PSD: variants seen among roughly 807,000 people sequenced by gnomAD.
PSD encodes pleckstrin and Sec7 domain containing, also known as PH and SEC7 domain-containing protein 1.
PSD carries 32 observed loss-of-function variants against 91.6 expected under a neutral mutation model. That is an observed-to-expected ratio of 0.35 (90% CI 0.26 to 0.47). PSD has a LOEUF of 0.47. Among genes scored for constraint, PSD ranks in the 20% least tolerant of loss-of-function variants. PSD has a pLI of 1.00. For missense variants in PSD, 1,099 were observed against 1,373.9 expected, an observed-to-expected ratio of 0.80 and a Z score of 3.16; for synonymous variants, 532 against 569.3, an observed-to-expected ratio of 0.93 and a Z score of 0.93.
intron 5 of PSD, among the ~76,000 whole-genome samples, chr10:102,413,008 C>T (rs1412382944): frequency 1.3e-5 from 2 of 152,180 alleles, no homozygotes; most frequent in African/African-American, 4.8e-5. Flanking sequence ...GATACTGGTC[C>T]GAAGGCTTTC....
Position 102,410,981 on chromosome 10 carries a change from G to A in PSD, c.2002-34C>T, listed in dbSNP as rs2135455934. On this transcript the variant is annotated intron_variant, in intron 9 of 16. Coordinates refer to ENST00000020673, the MANE Select transcript of PSD (RefSeq NM_002779.5). This position sits in a 1 kb window ranked among gnomAD's most constrained non-coding sequence, Gnocchi z 6.0. Reference sequence around the variant, plus strand: ...GGGAACGGAGGCCTGTGAGTTTGGAGGGCCCTTGGCCTCCCAGGTCCTGCA... The same window carrying A: ...GGGAACGGAGGCCTGTGAGTTTGGAAGGCCCTTGGCCTCCCAGGTCCTGCA... 1.9e-6 allele frequency: 3 copies of A among 1,612,120 alleles called. No homozygotes were observed. Among genetic ancestry groups the A allele is most frequent in the Non-Finnish European group, 2.5e-6 (3 of 1,178,120 alleles).
Position 102,404,871 on chromosome 10 carries a change from C to T in PSD, c.2555+27G>A, listed in dbSNP as rs1274781895. 36 of 1,606,604 alleles carry T rather than the reference C, an allele frequency of 2.2e-5. No individual in the cohort carries two copies. The highest frequency in any genetic ancestry group is 5.1e-5 in the Admixed American group (3 of 59,386). ...AGGATGGGAGGTGGGGGAAGGGGTC[C>T]GGGATGGGCAGGAGGAGGGCACTCA... On this transcript the variant is annotated intron_variant, in intron 14 of 16. Transcript: ENST00000020673. This position sits in a 1 kb window ranked among gnomAD's most constrained non-coding sequence, Gnocchi z 5.7.
Position 102,409,679 on chromosome 10 carries a change from G to C in PSD, c.2091+1179C>G, listed in dbSNP as rs1367506683. The stretch of plus-strand genomic sequence containing the variant: ...CACCCATATATAGATCTGAAGTCAC[G>C]TAACACACCTCGATTCTGACATACA... On this transcript the variant is annotated intron_variant, in intron 10 of 16. Transcript: ENST00000020673. This position sits in a 1 kb window ranked among gnomAD's most constrained non-coding sequence, Gnocchi z 5.7. Among the ~76,000 whole-genome samples, 2 of 152,058 alleles carry C rather than the reference G, an allele frequency of 1.3e-5. No individual in the cohort carries two copies. The highest frequency in any genetic ancestry group is 2.9e-5 in the Non-Finnish European group (2 of 68,002).
At position 102,412,719 on chromosome 10, in the gene PSD, G is replaced by A; in HGVS notation, c.1554-144C>T. ...AGCATTCTTCTTTTTTCCAGGGAAG[G>A]AGATTAGATTCTCTCCATCAGCCTA... On this transcript the variant is annotated intron_variant, in intron 5 of 16. Transcript: ENST00000020673. 3 of 717,794 alleles carry A rather than the reference G, an allele frequency of 4.2e-6. No individual in the cohort carries two copies. The South Asian group carries it at 5.8e-5, about 14-fold the overall frequency. 44.5% of individuals were successfully genotyped at this position (717,794 alleles called of 1,614,324 possible). A position where few individuals can be genotyped will look rare whatever the true frequency, so the allele number is the denominator to read the frequency against.
At chr10:102,418,551 G>T in intron 1 of PSD, 150 bp downstream of exon 1, 1 of 368,056 alleles carries the variant, frequency 2.7e-6, no homozygotes, top group East Asian at 7.8e-5. Context: ...GCCCAGGAGA[G>T]ACCATAACCA....
rs376334335 is a variant in PSD, at chr10:102,405,325, C to T, written c.2326+21G>A. ...CCCATCCATCCCCTAGACGCCCGCC[C>T]CCCGCAACTCGGCCACATACTCTTC... is the stretch of plus-strand genomic sequence containing the variant. On this transcript the variant is annotated intron_variant, in intron 12 of 16. Transcript: ENST00000020673. The surrounding 1 kb of genome is among the most constrained non-coding windows in gnomAD (Gnocchi z 5.4). 5 of 1,608,054 alleles carry T rather than the reference C, an allele frequency of 3.1e-6. No individual in the cohort carries two copies. In the African/African-American group the frequency reaches 4.0e-5, roughly 13 times the overall value.
rs1370458975 is a variant in PSD, at chr10:102,405,573, G to A, written c.2136-37C>T. 3 of 1,573,588 alleles carry A rather than the reference G, an allele frequency of 1.9e-6. No homozygotes were observed. Among genetic ancestry groups the A allele is most frequent in the Admixed American group, 3.5e-5 (2 of 57,342 alleles). The stretch of plus-strand genomic sequence containing the variant: ...ATCACCTCAGAGGGGGCTGGCCATG[G>A]AGCCGCGGCCCCCGCTTCAGTTCTG... On this transcript the variant is annotated intron_variant, in intron 11 of 16. Transcript: ENST00000020673. The surrounding 1 kb of genome is among the most constrained non-coding windows in gnomAD (Gnocchi z 5.4).
Position 102,403,803 on chromosome 10 carries a change from C to A in PSD, c.2844+39G>T. The A allele has an allele frequency of 6.3e-7, 1 of 1,590,544 alleles. No individual in the cohort carries two copies. Among genetic ancestry groups the A allele is most frequent in the South Asian group, 1.1e-5 (1 of 87,730 alleles). ...TTCATGCCCTTCACCCTAGTATGGG[C>A]CTGCGTGTGTGGACAGAGGGGCAGA... On this transcript the variant is annotated intron_variant, in intron 16 of 16. Transcript: ENST00000020673. The surrounding 1 kb of genome is among the most constrained non-coding windows in gnomAD (Gnocchi z 6.7).
intron 10 of PSD, chr10:102,408,885 A>G (rs1044363471): frequency 8.1e-6 from 8 of 986,842 alleles, no homozygotes; most frequent in South Asian, 4.7e-5. Flanking sequence ...CGCGGCCCCA[A>G]CGCCCTCACC....
intron 5 of PSD, among the ~76,000 whole-genome samples, chr10:102,413,321 C>T (rs1402207469): frequency 6.6e-6 from 1 of 152,156 alleles, no homozygotes; most frequent in Non-Finnish European, 1.5e-5. Flanking sequence ...TGTGAAAGGA[C>T]TTCCTGGAGC....
At chr10:102,419,715 G>A (rs2061534716), upstream of PSD, 4 of 162,694 alleles carry the variant, frequency 2.5e-5, no homozygotes, top group South Asian at 4.6e-4. This position sits in a 1 kb window ranked among gnomAD's most constrained non-coding sequence, Gnocchi z 4.8. Flanking sequence ...CAGATTTGTC[G>A]CACTGCGCAG....
Position 102,403,552 on chromosome 10 carries a change from A to G in PSD, c.2845-122T>C. 1 of 986,452 alleles carries G rather than the reference A, an allele frequency of 1.0e-6. No individual in the cohort carries two copies. The highest frequency in any genetic ancestry group is 1.5e-6 in the Non-Finnish European group (1 of 681,150). The allele number at this position is 986,452 out of a possible 1,614,324, so 61.1% of individuals were successfully genotyped here. ...GCAGGTGCCCACCCAGGACTGTGAG[A>G]TGGTCCCATGCGGGCTGGTGCCCCC... On this transcript the variant is annotated intron_variant, in intron 16 of 16. Transcript: ENST00000020673. This position sits in a 1 kb window ranked among gnomAD's most constrained non-coding sequence, Gnocchi z 6.7.
At chr10:102,407,372 A>G in intron 10 of PSD, 106 bp from the exon 11 acceptor site, 1 of 707,404 alleles carries the variant, frequency 1.4e-6, no homozygotes, top group Non-Finnish European at 2.1e-6. Context: ...CTAAGGGGAA[A>G]GGGCAGCAAG....
Position 102,405,058 on chromosome 10 carries a change from G to A in PSD, c.2398-3C>T, listed in dbSNP as rs753478627. The A allele has an allele frequency of 1.2e-6, 2 of 1,613,716 alleles. No individual in the cohort carries two copies. Among genetic ancestry groups the A allele is most frequent in the Non-Finnish European group, 1.7e-6 (2 of 1,179,802 alleles). On this transcript the variant is annotated splice_polypyrimidine_tract_variant and splice_region_variant and intron_variant, in intron 13 of 16. Coordinates refer to ENST00000020673, the MANE Select transcript of PSD (RefSeq NM_002779.5). The surrounding 1 kb of genome is among the most constrained non-coding windows in gnomAD (Gnocchi z 5.4). ...GCCTTCCCAGGCTTGTACTCCTCCT[G>A]CAGGGGTGTCCATCTTGTCCTGGCC...
At chr10:102,407,619 C>T (rs1444279282) in intron 10 of PSD, among the ~76,000 whole-genome samples, 1 of 152,142 alleles carries the variant, frequency 6.6e-6, no homozygotes, top group Non-Finnish European at 1.5e-5. Flanking sequence ...TGGAGAAGCA[C>T]AGCCCTGGAG....
chr10:102,413,511 C>T (rs1483789139), intron 5 of PSD, among the ~76,000 whole-genome samples: 1 of 152,104 alleles, frequency 6.6e-6, no homozygotes, highest in Non-Finnish European at 1.5e-5. Flanking sequence ...GAAGGGTATT[C>T]TCCTGGGATC....
Position 102,409,402 on chromosome 10 carries a change from G to A in PSD, c.2091+1456C>T, listed in dbSNP as rs1181790237. 1.0e-6 allele frequency: 1 copy of A among 971,706 alleles called. No individual in the cohort carries two copies. 60.2% of individuals were successfully genotyped at this position (971,706 alleles called of 1,614,324 possible). A position where few individuals can be genotyped will look rare whatever the true frequency, so the allele number is the denominator to read the frequency against. ...GCCCTCCCCGCGCGGCCACGGGGAG[G>A]AGCCTGGGGAGGCCAGCGTGGGTGG... On this transcript the variant is annotated intron_variant, in intron 10 of 16. Transcript: ENST00000020673. The surrounding 1 kb of genome is among the most constrained non-coding windows in gnomAD (Gnocchi z 5.7).
chr10:102,404,480 G>A lies in PSD; in HGVS notation c.2700+103C>T. The A allele has an allele frequency of 7.0e-7, 1 of 1,420,598 alleles. No individual in the cohort carries two copies. The allele number at this position is 1,420,598 out of a possible 1,614,324, so 88.0% of individuals were successfully genotyped here. ...TCACCCCTGTGGCCAGCATCCTGGT[G>A]CAGGGGACATCTCCACGATCACACG... On this transcript the variant is annotated intron_variant, in intron 15 of 16. Transcript: ENST00000020673. This position sits in a 1 kb window ranked among gnomAD's most constrained non-coding sequence, Gnocchi z 5.7.
In PSD at chr10:102,413,971, G is replaced by C; in HGVS notation, c.1351C>G (p.Pro451Ala). The change falls in exon 5 of 17, where the codon CCC (proline) becomes GCC (alanine). Residue 451 changes from proline to alanine, a missense_variant. Coordinates refer to ENST00000020673, the MANE Select transcript of PSD (RefSeq NM_002779.5). ...GCGGGAGCTGGTGGGTCGGGCCGGGGTGCAGGGGGTTGGGGAGGCAGCTCA... is the reference window on the plus strand; with the variant it reads ...GCGGGAGCTGGTGGGTCGGGCCGGGCTGCAGGGGGTTGGGGAGGCAGCTCA... Reference protein sequence around the residue: ...TFELPPQPPAPRPDPPAPAPL... With the variant: ...TFELPPQPPAARPDPPAPAPL... The C allele has an allele frequency of 6.2e-7, 1 of 1,613,920 alleles. No homozygotes were observed.
Sources: allele counts gnomAD v4.1 joint callset (sites outside exome capture counted in the v4.1 genomes callset), GRCh38; gene constraint gnomAD v4.1.1; non-coding constraint Gnocchi (gnomAD v3.1); transcripts MANE v1.5; gene names NCBI Gene and HGNC (gene_info 2026-07-23, HGNC 2026-07-21).